The following SLC35F3 variants were observed in gnomAD, a reference collection of about 807,000 sequenced individuals.
SLC35F3 encodes putative thiamine transporter SLC35F3.
A neutral mutation model predicts 49.9 loss-of-function variants in SLC35F3; 25 were observed. The ratio of observed to expected loss-of-function variants is 0.50; its 90% confidence interval spans 0.37 to 0.70. The LOEUF is 0.70. Ranked by LOEUF, SLC35F3 falls within the 30% of genes least tolerant of loss-of-function variation. The pLI, the probability that SLC35F3 is intolerant of heterozygous loss-of-function variation, is 0.00. For synonymous variants in SLC35F3, 275 were observed against 265.4 expected, an observed-to-expected ratio of 1.04 and a Z score of -0.35; for missense variants, 525 against 639.8, an observed-to-expected ratio of 0.82 and a Z score of 1.94.
chr1:233,992,110 G>C (rs1327552330), intron 2 of SLC35F3, among the ~76,000 whole-genome samples: 1 of 152,176 alleles, frequency 6.6e-6, no homozygotes, highest in Non-Finnish European at 1.5e-5. Context: ...TCCAATCCCA[G>C]ACGGCCGTGG....
chr1:234,262,898 A>G (rs1667927235), intron 3 of SLC35F3, among the ~76,000 whole-genome samples: 1 of 152,232 alleles, frequency 6.6e-6, no homozygotes, highest in Non-Finnish European at 1.5e-5. Context: ...TCTATTAGGC[A>G]AACAGCCCTT....
Position 234,231,774 on chromosome 1 carries a change from C to G in SLC35F3, c.608+33C>G, listed in dbSNP as rs989659612. On this transcript the variant is annotated intron_variant, in intron 3 of 7. Coordinates refer to ENST00000366618, the MANE Select transcript of SLC35F3 (RefSeq NM_173508.4). The surrounding 1 kb of genome is among the most constrained non-coding windows in gnomAD (Gnocchi z 5.4). ...CGTCCTGCATGAGGAGGCCTCCTGACCCCGGGCTGCTCCATCCAGCGCTGA... is the reference window on the plus strand; with the variant it reads ...CGTCCTGCATGAGGAGGCCTCCTGAGCCCGGGCTGCTCCATCCAGCGCTGA... 1.3e-6 allele frequency: 2 copies of G among 1,563,450 alleles called. No individual in the cohort carries two copies. Among genetic ancestry groups the G allele is most frequent in the Non-Finnish European group, 1.7e-6 (2 of 1,149,298 alleles).
intron 3 of SLC35F3, among the ~76,000 whole-genome samples, chr1:234,269,258 G>T (rs187272718): frequency 6.6e-6 from 1 of 152,174 alleles, no homozygotes; most frequent in East Asian, 1.9e-4. Context: ...AGCAAAAAAG[G>T]GGCCTCACCC....
intron 2 of SLC35F3, among the ~76,000 whole-genome samples, chr1:233,910,047 C>T (rs370204405): frequency 6.6e-6 from 1 of 152,228 alleles, no homozygotes; most frequent in Non-Finnish European, 1.5e-5. Flanking sequence ...GTTCCTTCTG[C>T]AGCTGGCATG....
chr1:234,076,782 AG>A (rs1332091034), intron 2 of SLC35F3, among the ~76,000 whole-genome samples: 1 of 151,962 alleles, frequency 6.6e-6, no homozygotes, highest in African/African-American at 2.4e-5. Flanking sequence ...ATTAATTAAA[AG>A]AAAAAGCTAG....
chr1:233,991,832 T>G (rs968289621), intron 2 of SLC35F3, among the ~76,000 whole-genome samples: 4 of 152,338 alleles, frequency 2.6e-5, no homozygotes, highest in African/African-American at 9.6e-5. Flanking sequence ...TTTTGCCTGT[T>G]TATTTAATTT....
At chr1:233,932,758 A>T (rs537837404) in intron 2 of SLC35F3, among the ~76,000 whole-genome samples, 1 of 152,314 alleles carries the variant, frequency 6.6e-6, no homozygotes, top group African/African-American at 2.4e-5. Context: ...GGAAATCAGA[A>T]CCGGAAAATG....
chr1:233,932,458 T>A (rs1382080244), intron 2 of SLC35F3, among the ~76,000 whole-genome samples: 1 of 152,184 alleles, frequency 6.6e-6, no homozygotes, highest in Non-Finnish European at 1.5e-5. Context: ...TCTGTGGTGA[T>A]AATGATCCGA....
chr1:234,008,423 G>C (rs186392558), intron 2 of SLC35F3, among the ~76,000 whole-genome samples: 1 of 152,274 alleles, frequency 6.6e-6, no homozygotes, highest in African/African-American at 2.4e-5. Flanking sequence ...GCCAGAAGTA[G>C]GTCCCTCTCT....
At chr1:234,167,585 C>A (rs961099897) in intron 2 of SLC35F3, among the ~76,000 whole-genome samples, 16 of 152,182 alleles carry the variant, frequency 1.1e-4, no homozygotes, top group Non-Finnish European at 1.5e-4. Context: ...CTTACCACAA[C>A]AGAGCATCTT....
intron 3 of SLC35F3, among the ~76,000 whole-genome samples, chr1:234,232,519 C>CAAAAAAAAAAAAAAAAAAAAAAAA (rs536692686): frequency 1.8e-4 from 13 of 72,354 alleles, no homozygotes; most frequent in Non-Finnish European, 2.0e-4. Flanking sequence ...CAGGCCTAGT[C>CAAAAAAAAAAAAAAAAAAAAAAAA]AAAAAAAAAA....
intron 2 of SLC35F3, among the ~76,000 whole-genome samples, chr1:234,052,571 A>G (rs1248791925): frequency 1.3e-5 from 2 of 151,782 alleles, no homozygotes; most frequent in Non-Finnish European, 2.9e-5. Context: ...AATTTTGTTG[A>G]TCTTTTCAAA....
chr1:233,955,601 CT>C (rs1391564469), intron 2 of SLC35F3, among the ~76,000 whole-genome samples: 6 of 152,100 alleles, frequency 3.9e-5, no homozygotes, highest in African/African-American at 1.2e-4. Flanking sequence ...TTCTGCCCCC[CT>C]GTCTTGCTGC....
intron 2 of SLC35F3, among the ~76,000 whole-genome samples, chr1:234,062,397 T>C (rs1419495175): frequency 6.6e-6 from 1 of 152,232 alleles, no homozygotes; most frequent in Non-Finnish European, 1.5e-5. Context: ...GGGGCATAAA[T>C]TGTTCTACAG....
chr1:234,215,739 T>C (rs1667112028), intron 2 of SLC35F3, among the ~76,000 whole-genome samples: 1 of 152,142 alleles, frequency 6.6e-6, no homozygotes, highest in Admixed American at 6.5e-5. Context: ...TTGGTAATTG[T>C]ATATCCCAAG....
intron 3 of SLC35F3, among the ~76,000 whole-genome samples, chr1:234,291,490 G>A (rs1171000559): frequency 1.3e-5 from 2 of 152,146 alleles, no homozygotes; most frequent in Non-Finnish European, 2.9e-5. Context: ...TTAAGAGATG[G>A]AGTCTTGCTC....
chr1:234,197,442 G>A (rs776607863), intron 2 of SLC35F3, among the ~76,000 whole-genome samples: 1 of 152,194 alleles, frequency 6.6e-6, no homozygotes, highest in African/African-American at 2.4e-5. Context: ...CCTGGTCAAG[G>A]AGAGAGTTCG....
chr1:234,267,334 G>C (rs1394958094), intron 3 of SLC35F3, among the ~76,000 whole-genome samples: 3 of 137,800 alleles, frequency 2.2e-5, no homozygotes, highest in Admixed American at 7.1e-5. Context: ...CACCCTTCCC[G>C]CCTTTCTATT....
intron 2 of SLC35F3, among the ~76,000 whole-genome samples, chr1:234,042,755 C>T (rs780570252): frequency 1.3e-5 from 2 of 152,230 alleles, no homozygotes; most frequent in South Asian, 2.1e-4. Flanking sequence ...AAGCATGGTG[C>T]GTGTAACCTT....
Sources: allele counts gnomAD v4.1 joint callset (sites outside exome capture counted in the v4.1 genomes callset), GRCh38; gene constraint gnomAD v4.1.1; non-coding constraint Gnocchi (gnomAD v3.1); transcripts MANE v1.5; gene names NCBI Gene and HGNC (gene_info 2026-07-23, HGNC 2026-07-21).